Variants in CLSTN1 observed in about 807,000 individuals in gnomAD.
CLSTN1 encodes calsyntenin 1, also known as calsyntenin-1.
CLSTN1 carries 28 observed loss-of-function variants against 108.3 expected under a neutral mutation model. The ratio of observed to expected loss-of-function variants is 0.26; its 90% CI spans 0.19 to 0.35. CLSTN1 has a LOEUF of 0.35. CLSTN1 is among the 10% of genes least tolerant of loss of function. The probability of loss-of-function intolerance (pLI) is 1.00; values close to 1 mark genes in which losing one functional copy is unlikely to be tolerated. For missense variants in CLSTN1, 1,157 were observed against 1,302.6 expected, an observed-to-expected ratio of 0.89 and a Z score of 1.72; for synonymous variants, 524 against 534.9, an observed-to-expected ratio of 0.98 and a Z score of 0.28.
At chr1:9,794,447 C>T (rs1653901621) in intron 1 of CLSTN1, among the ~76,000 whole-genome samples, 1 of 151,368 alleles carries the variant, frequency 6.6e-6, no homozygotes, top group African/African-American at 2.4e-5. Context: ...TAGCTGAGAT[C>T]ACAGGCGTGC....
chr1:9,751,316 T>G (rs564327647), intron 5 of CLSTN1, among the ~76,000 whole-genome samples, 157 bp downstream of exon 5: 12 of 152,074 alleles, frequency 7.9e-5, no homozygotes, highest in Non-Finnish European at 1.3e-4. Context: ...AGTAGAAACT[T>G]AAATGTTTTT....
Position 9,823,558 on chromosome 1 carries a change from C to T in CLSTN1, c.91+85G>A, listed in dbSNP as rs1032703515. The T allele has an allele frequency of 5.4e-6, 5 of 921,852 alleles. No homozygotes were observed. Among genetic ancestry groups the T allele is most frequent in the African/African-American group, 5.3e-5 (3 of 56,558 alleles). The allele number at this position is 921,852 out of a possible 1,614,324, so 57.1% of individuals were successfully genotyped here. A position where few individuals can be genotyped will look rare whatever the true frequency, so the allele number is the denominator to read the frequency against. Reference sequence around the variant, plus strand: ...CCGGCCCTACTCCCGCACCCGGACCCGAATCCCCGCACCGGGACCCGAATC... The same window carrying T: ...CCGGCCCTACTCCCGCACCCGGACCTGAATCCCCGCACCGGGACCCGAATC... On this transcript the variant is annotated intron_variant, in intron 1 of 18. Transcript: ENST00000377298. The surrounding 1 kb of genome is among the most constrained non-coding windows in gnomAD (Gnocchi z 6.3).
chr1:9,808,847 AACGATAAGAGT>A (rs1654615011), intron 1 of CLSTN1, among the ~76,000 whole-genome samples: 1 of 151,910 alleles, frequency 6.6e-6, no homozygotes, highest in South Asian at 2.1e-4. Context: ...TGGGTTTCCA[AACGATAAGAGT>A]ACAGCCGGGA....
At chr1:9,738,188 T>C (rs1050732962) in intron 10 of CLSTN1, among the ~76,000 whole-genome samples, 4 of 152,174 alleles carry the variant, frequency 2.6e-5, no homozygotes, top group South Asian at 2.1e-4. Context: ...TAGGGAAGCA[T>C]AGCCTACGGT....
At chr1:9,781,734 C>T (rs1477752832) in intron 1 of CLSTN1, among the ~76,000 whole-genome samples, 1 of 152,106 alleles carries the variant, frequency 6.6e-6, no homozygotes, top group Non-Finnish European at 1.5e-5. Context: ...TGAGTCACCG[C>T]GCCCAGCTTA....
At chr1:9,800,894 G>A (rs1197455157) in intron 1 of CLSTN1, among the ~76,000 whole-genome samples, 4 of 151,752 alleles carry the variant, frequency 2.6e-5, no homozygotes. Flanking sequence ...AGCCGAGATT[G>A]CACCATTGCA....
intron 2 of CLSTN1, among the ~76,000 whole-genome samples, chr1:9,768,674 C>CTG (rs1404831273): frequency 9.7e-5 from 6 of 61,730 alleles, no homozygotes; most frequent in Admixed American, 2.6e-4. Flanking sequence ...GGGCGGGGTT[C>CTG]TGTTAGGTGG....
chr1:9,810,560 T>C (rs1030306840), intron 1 of CLSTN1, among the ~76,000 whole-genome samples: 1 of 139,546 alleles, frequency 7.2e-6, no homozygotes, highest in Non-Finnish European at 1.6e-5. Context: ...AGATCACCTG[T>C]AGTCAGGAGT....
Position 9,807,586 on chromosome 1 carries a change from G to A in CLSTN1, c.91+16057C>T, listed in dbSNP as rs537598842. On this transcript the variant is annotated intron_variant, in intron 1 of 18. Coordinates refer to ENST00000377298, the MANE Select transcript of CLSTN1 (RefSeq NM_001009566.3). The stretch of plus-strand genomic sequence containing the variant: ...TTCTTTGATGAAAAACACTAAGCGC[G>A]TCTGGCCCTAAGTCATTCCTCCACA... 1.4e-4 allele frequency among the ~76,000 whole-genome samples: 21 copies of A among 152,300 alleles called. No homozygotes were observed. In the East Asian group the frequency reaches 2.5e-3, roughly 18 times the overall value.
chr1:9,768,575 G>A (rs1652483044), intron 2 of CLSTN1, among the ~76,000 whole-genome samples: 1 of 134,310 alleles, frequency 7.4e-6, no homozygotes, highest in Non-Finnish European at 1.6e-5. Flanking sequence ...CCATGGGGGC[G>A]GGGTTCTGTG....
At chr1:9,743,120 C>T (rs528412264) in intron 9 of CLSTN1, among the ~76,000 whole-genome samples, 2 of 152,186 alleles carry the variant, frequency 1.3e-5, no homozygotes, top group African/African-American at 4.8e-5. Context: ...ATGATAAGGC[C>T]AAAGGTTTCC....
chr1:9,799,276 G>A (rs1029573170), intron 1 of CLSTN1, among the ~76,000 whole-genome samples: 1 of 152,186 alleles, frequency 6.6e-6, no homozygotes, highest in Non-Finnish European at 1.5e-5. Context: ...ATGGGAACCG[G>A]TGCCAGGGTA....
intron 1 of CLSTN1, among the ~76,000 whole-genome samples, chr1:9,792,600 C>G: frequency 6.6e-6 from 1 of 151,414 alleles, no homozygotes; most frequent in Admixed American, 6.7e-5. Context: ...AGACTCCAGC[C>G]ACGGGTGTCG....
chr1:9,730,506 G>A lies in CLSTN1; in HGVS notation c.*2C>T. ...AGAAACCGAGGTGGCCGGGGGCACG[G>A]GTCAGTAGCTGAGGGTGGAGTCATC... On this transcript the variant is annotated 3_prime_UTR_variant, in exon 19 of 19. Coordinates refer to ENST00000377298, the MANE Select transcript of CLSTN1 (RefSeq NM_001009566.3). The surrounding 1 kb of genome is among the most constrained non-coding windows in gnomAD (Gnocchi z 5.6). 1 of 1,602,374 alleles carries A rather than the reference G, an allele frequency of 6.2e-7. No homozygotes were observed. The highest frequency in any genetic ancestry group is 8.5e-7 in the Non-Finnish European group (1 of 1,179,728).
intron 2 of CLSTN1, among the ~76,000 whole-genome samples, chr1:9,767,123 G>C (rs1570468642): frequency 6.6e-6 from 1 of 152,240 alleles, no homozygotes; most frequent in African/African-American, 2.4e-5. Flanking sequence ...TCCAGGCACT[G>C]ACGGAGGTTT....
At chr1:9,810,969 A>C (rs899614890) in intron 1 of CLSTN1, among the ~76,000 whole-genome samples, 1 of 152,164 alleles carries the variant, frequency 6.6e-6, no homozygotes, top group Admixed American at 6.6e-5. Flanking sequence ...AGAAAAATGC[A>C]ATCAACACAA....
chr1:9,768,465 A>G (rs966983834), intron 2 of CLSTN1, among the ~76,000 whole-genome samples: 254 of 5,672 alleles, frequency 0.045, no homozygotes, highest in Admixed American at 0.085. Flanking sequence ...TTCTGTGTTG[A>G]GCGGCACAAT....
chr1:9,792,279 C>T (rs1465639897), intron 1 of CLSTN1, among the ~76,000 whole-genome samples: 3 of 151,422 alleles, frequency 2.0e-5, no homozygotes, highest in Non-Finnish European at 4.4e-5. Context: ...GCCGGTATTC[C>T]ACACTGACTT....
At chr1:9,740,000 T>G (rs568972081) in intron 10 of CLSTN1, among the ~76,000 whole-genome samples, 1 of 151,638 alleles carries the variant, frequency 6.6e-6, no homozygotes, top group South Asian at 2.1e-4. Flanking sequence ...GTATTTTTAG[T>G]AGAGATGGGA....
Sources: gnomAD v4.1 joint callset for allele counts (sites outside exome capture counted in the v4.1 genomes callset) on GRCh38, gnomAD v4.1.1 for gene constraint, Gnocchi (gnomAD v3.1) non-coding constraint, MANE v1.5 for transcripts, NCBI Gene and HGNC (gene_info 2026-07-23, HGNC 2026-07-21) for gene names.